PKD1L3: variants seen among roughly 807,000 people sequenced by gnomAD.
PKD1L3 encodes polycystin-1-like protein 3.
A neutral mutation model predicts 184.1 loss-of-function variants in PKD1L3; 239 were observed. The ratio of observed to expected loss-of-function variants is 1.30; its 90% confidence interval spans 1.17 to 1.45. PKD1L3 has a LOEUF of 1.45. Ranked by LOEUF, PKD1L3 falls within the 40% of genes most tolerant of loss-of-function variation. The pLI, the probability that PKD1L3 is intolerant of heterozygous loss-of-function variation, is 0.00. For missense variants in PKD1L3, 2,660 were observed against 2,067.2 expected (o/e 1.29, Z -5.56); for synonymous variants, 996 against 778.8 (o/e 1.28, Z -4.64).
chr16:71,969,634 C>T (rs2039634871), intron 13 of PKD1L3, among the ~76,000 whole-genome samples: 1 of 151,812 alleles, frequency 6.6e-6, no homozygotes. Flanking sequence ...TGGCTCATTC[C>T]TGTCCTAAAA....
At chr16:71,969,811 TC>T in intron 13 of PKD1L3, 63 bp downstream of exon 13, 1 of 1,406,274 alleles carries the variant, frequency 7.1e-7, no homozygotes, top group South Asian at 1.4e-5. Flanking sequence ...AGGTGTTTTT[TC>T]CTTCATCTTA....
At chr16:71,970,403 C>T (rs909926774) in intron 12 of PKD1L3, among the ~76,000 whole-genome samples, 1 of 152,064 alleles carries the variant, frequency 6.6e-6, no homozygotes, top group Non-Finnish European at 1.5e-5. Flanking sequence ...TCACCTTTGT[C>T]TATAATTATC....
At chr16:71,969,676 A>T (rs1030567718) in intron 13 of PKD1L3, among the ~76,000 whole-genome samples, 199 bp downstream of exon 13, 5 of 148,774 alleles carry the variant, frequency 3.4e-5, no homozygotes, top group Non-Finnish European at 6.1e-5. Context: ...TTGGAACCAA[A>T]GGAAAAAAAA....
At chr16:71,985,295 AG>A (rs1279628613) in intron 5 of PKD1L3, among the ~76,000 whole-genome samples, 1 of 152,220 alleles carries the variant, frequency 6.6e-6, no homozygotes, top group African/African-American at 2.4e-5. Flanking sequence ...AAGCAGATCC[AG>A]AGTGAACAGG....
Position 71,947,534 on chromosome 16 carries a change from T to C in PKD1L3, c.3676A>G (p.Lys1226Glu), listed in dbSNP as rs2038665092. 1.3e-6 allele frequency: 2 copies of C among 1,547,692 alleles called. No individual in the cohort carries two copies. Among genetic ancestry groups the C allele is most frequent in the African/African-American group, 2.7e-5 (2 of 73,056 alleles). ...LMMSRMPRLN[K>E]ENEQQTKRIL... ...CTCTTTGTTTGTTGTTCATTCTCTT[T>C]GTTAAGCCGTGGCATCCTGCTCATC... is the stretch of plus-strand genomic sequence containing the variant. The change falls in exon 22 of 30, where the codon AAA (lysine) becomes GAA (glutamate). Residue 1226 changes from lysine (K) to glutamate (E), a missense_variant. By Grantham distance (56) the Lys-to-Glu change is moderately conservative. Transcript: ENST00000620267.
chr16:71,953,822 A>T (rs1567508892), intron 17 of PKD1L3, among the ~76,000 whole-genome samples: 2 of 152,228 alleles, frequency 1.3e-5, no homozygotes, highest in Non-Finnish European at 2.9e-5. Context: ...TTACAGTTGG[A>T]CGTGAGATTT....
At chr16:71,985,794 T>A (rs115044519) in intron 5 of PKD1L3, among the ~76,000 whole-genome samples, 5,829 of 152,204 alleles carry the variant, frequency 0.038, 342 homozygotes, top group African/African-American at 0.13. Context: ...CTAAAACTCC[T>A]GGGCTCAAGT....
intron 3 of PKD1L3, among the ~76,000 whole-genome samples, chr16:71,992,256 G>A (rs1245909591): frequency 1.3e-5 from 2 of 152,226 alleles, no homozygotes; most frequent in African/African-American, 2.4e-5. Context: ...CAATAAGGCA[G>A]TCTACATTTT....
intron 3 of PKD1L3, among the ~76,000 whole-genome samples, chr16:71,992,149 G>A (rs1388092627): frequency 1.3e-5 from 2 of 152,114 alleles, no homozygotes; most frequent in African/African-American, 4.8e-5. Flanking sequence ...ACAGGTGTGA[G>A]CAAATGTCTG....
At chr16:71,931,433 C>T (rs1269355762) in intron 28 of PKD1L3, among the ~76,000 whole-genome samples, 2 of 148,774 alleles carry the variant, frequency 1.3e-5, no homozygotes, top group East Asian at 3.9e-4. Flanking sequence ...GCAAGCTTCC[C>T]TAAAGGTTAA....
intron 24 of PKD1L3, among the ~76,000 whole-genome samples, chr16:71,938,788 G>A (rs2038266045): frequency 1.3e-5 from 2 of 152,192 alleles, no homozygotes; most frequent in Admixed American, 6.5e-5. Context: ...CCAACTCCAG[G>A]TTTCCTGAAA....
intron 25 of PKD1L3, 68 bp from the exon 26 acceptor site, chr16:71,935,586 G>A: frequency 6.9e-7 from 1 of 1,449,642 alleles, no homozygotes; most frequent in Non-Finnish European, 9.3e-7. Context: ...CTGCTCAAGT[G>A]TGATGAACGC....
chr16:71,945,327 TAC>T (rs376042570), intron 22 of PKD1L3, among the ~76,000 whole-genome samples: 7,794 of 65,212 alleles, frequency 0.12, 906 homozygotes, highest in African/African-American at 0.3. Context: ...CACACATATA[TAC>T]ACACACACAC....
chr16:71,997,338 G>A (rs1475490330), intron 2 of PKD1L3, among the ~76,000 whole-genome samples: 1 of 151,558 alleles, frequency 6.6e-6, no homozygotes, highest in Non-Finnish European at 1.5e-5. Context: ...TGTAATCCTA[G>A]CACTTTGAGA....
intron 11 of PKD1L3, 57 bp downstream of exon 11, chr16:71,977,179 C>T (rs2039958534): frequency 3.0e-6 from 4 of 1,332,178 alleles, no homozygotes; most frequent in Non-Finnish European, 2.1e-6. Flanking sequence ...TGCCACTGCA[C>T]TACATCCTAG....
Position 71,979,859 on chromosome 16 carries a change from G to A in PKD1L3, c.1325C>T (p.Pro442Leu), listed in dbSNP as rs995623420. 1.3e-6 allele frequency: 2 copies of A among 1,533,194 alleles called. No homozygotes were observed. The highest frequency in any genetic ancestry group is 4.9e-5 in the East Asian group (2 of 40,834). 95.0% of individuals were successfully genotyped at this position (1,533,194 alleles called of 1,614,324 possible). A position where few individuals can be genotyped will look rare whatever the true frequency, so the allele number is the denominator to read the frequency against. The change falls in exon 9 of 30, where the codon CCT becomes CTT. Residue 442 changes from proline to leucine, a missense_variant. Physicochemically the swap from Pro to Leu is moderately conservative, Grantham distance 98 (BLOSUM62 -3). Transcript: ENST00000620267. ...AGCCGACGGAAAGCCTAGCCTCACA[G>A]GGGCTGGGTGACCCAGAGTGTAAGA... is the stretch of plus-strand genomic sequence containing the variant. ...LSSYTLGHPA[P>L]VRLGFPSALA...
rs748146373 is a variant in PKD1L3 at position 71,929,654 on chromosome 16, G to A, written c.5083C>T (p.Leu1695=). ...LKKEAALIDT[L]LQKLSNLLGI... ...AACAAATTTGAGAGCTTCTGTAGCAGTGTATCTATTAGTGCAGCTTCTTTC... is the reference window on the plus strand; with the variant it reads ...AACAAATTTGAGAGCTTCTGTAGCAATGTATCTATTAGTGCAGCTTCTTTC... Residue 1695 remains leucine, a synonymous_variant, in exon 30 of 30, where the codon CTG becomes TTG. Transcript: ENST00000620267. The A allele has an allele frequency of 9.7e-6, 15 of 1,551,524 alleles. No homozygotes were observed. In the South Asian group the frequency reaches 1.8e-4, roughly 18 times the overall value.
chr16:71,990,412 G>A (rs2040543008), intron 3 of PKD1L3, 83 bp from the exon 4 acceptor site: 2 of 1,186,318 alleles, frequency 1.7e-6, no homozygotes, highest in Admixed American at 2.3e-5. Context: ...TCTTATTCAT[G>A]GCTAAAAATA....
At chr16:71,968,647 G>A (rs2039591458) in intron 13 of PKD1L3, among the ~76,000 whole-genome samples, 1 of 152,158 alleles carries the variant, frequency 6.6e-6, no homozygotes, top group African/African-American at 2.4e-5. Flanking sequence ...CCAGGCTGGA[G>A]TGCAGTGGTT....
Sources: allele counts gnomAD v4.1 joint callset (sites outside exome capture counted in the v4.1 genomes callset), GRCh38; gene constraint gnomAD v4.1.1; transcripts MANE v1.5; gene names NCBI Gene and HGNC (gene_info 2026-07-23, HGNC 2026-07-21).